The following DLG2 variants were observed in gnomAD, a reference collection of about 807,000 sequenced individuals.
DLG2 encodes the protein discs large MAGUK scaffold protein 2.
DLG2 carries 45 observed loss-of-function variants against 132.5 expected under a neutral mutation model. That is an observed-to-expected ratio of 0.34 (90% CI 0.27 to 0.44). The LOEUF (loss-of-function observed/expected upper bound fraction) is 0.44. Among genes scored for constraint, DLG2 ranks in the 20% least tolerant of loss-of-function variants. DLG2 has a pLI of 1.00. For synonymous variants in DLG2, 424 were observed against 419.6 expected (o/e 1.01, Z -0.13); for missense variants, 1,045 against 1,196.9 (o/e 0.87, Z 1.87).
chr11:83,806,379 C>T (rs892058376), intron 17 of DLG2, among the ~76,000 whole-genome samples: 1 of 152,140 alleles, frequency 6.6e-6, no homozygotes, highest in Admixed American at 6.5e-5. Flanking sequence ...CAAATTAACT[C>T]TATACACTTT....
At chr11:85,174,174 C>G (rs2079063413) in intron 4 of DLG2, among the ~76,000 whole-genome samples, 1 of 152,126 alleles carries the variant, frequency 6.6e-6, no homozygotes, top group Non-Finnish European at 1.5e-5. Flanking sequence ...ATATATTCTT[C>G]TCATAACCAC....
chr11:83,954,795 T>A (rs1047641295), intron 14 of DLG2, among the ~76,000 whole-genome samples: 2 of 152,212 alleles, frequency 1.3e-5, no homozygotes, highest in South Asian at 2.1e-4. Flanking sequence ...TTATACCATA[T>A]TTGCTTCCAC....
At chr11:83,563,886 A>G (rs987830) in intron 19 of DLG2, among the ~76,000 whole-genome samples, 3,567 of 152,312 alleles carry the variant, frequency 0.023, 92 homozygotes, top group African/African-American at 0.063. Flanking sequence ...TGTCTCTTTC[A>G]TATTAGTCTC....
chr11:85,480,629 A>G (rs967989142), intron 3 of DLG2, among the ~76,000 whole-genome samples: 2 of 152,210 alleles, frequency 1.3e-5, no homozygotes, highest in African/African-American at 4.8e-5. Context: ...TAAATTCCCA[A>G]ATGTTAACTA....
intron 6 of DLG2, among the ~76,000 whole-genome samples, chr11:84,982,341 C>T (rs1190540855): frequency 6.6e-6 from 1 of 152,118 alleles, no homozygotes; most frequent in Non-Finnish European, 1.5e-5. Flanking sequence ...CCTTTCCACC[C>T]AGAACCTGAC....
At chr11:83,639,422 G>A (rs2065784430) in intron 18 of DLG2, among the ~76,000 whole-genome samples, 1 of 152,112 alleles carries the variant, frequency 6.6e-6, no homozygotes. Context: ...TTGCTATTGT[G>A]AATAATAAAA....
chr11:83,682,874 G>A (rs759808904), intron 18 of DLG2, among the ~76,000 whole-genome samples: 1 of 152,134 alleles, frequency 6.6e-6, no homozygotes, highest in Non-Finnish European at 1.5e-5. Flanking sequence ...CCCCCTTACT[G>A]AGCAGATAAG....
At chr11:84,664,402 T>G (rs1449999360) in intron 6 of DLG2, among the ~76,000 whole-genome samples, 2 of 152,154 alleles carry the variant, frequency 1.3e-5, no homozygotes, top group Non-Finnish European at 2.9e-5. Context: ...GACAACTGAC[T>G]CTAAGTTAGT....
intron 11 of DLG2, among the ~76,000 whole-genome samples, chr11:84,024,664 ACT>A (rs2095490254): frequency 1.3e-5 from 2 of 152,094 alleles, no homozygotes; most frequent in African/African-American, 4.8e-5. Flanking sequence ...AAATATAAAC[ACT>A]CTATATTCTC....
intron 21 of DLG2, among the ~76,000 whole-genome samples, chr11:83,502,868 C>T (rs1591986845): frequency 6.6e-6 from 1 of 152,094 alleles, no homozygotes; most frequent in East Asian, 1.9e-4. Context: ...GCTGTCTCCC[C>T]AGTACTTCTG....
intron 6 of DLG2, among the ~76,000 whole-genome samples, chr11:84,610,162 GA>G (rs1220326769): frequency 1.3e-5 from 2 of 152,016 alleles, no homozygotes; most frequent in East Asian, 3.9e-4. Flanking sequence ...GATACTGAAG[GA>G]AAAAGCTTTT....
chr11:84,947,515 G>A (rs1591682484), intron 6 of DLG2, among the ~76,000 whole-genome samples: 1 of 152,074 alleles, frequency 6.6e-6, no homozygotes, highest in Non-Finnish European at 1.5e-5. Flanking sequence ...ATTCCTCCAT[G>A]CCAACAACCT....
At chr11:85,519,965 C>T (rs934182556) in intron 3 of DLG2, among the ~76,000 whole-genome samples, 3 of 152,148 alleles carry the variant, frequency 2.0e-5, no homozygotes, top group African/African-American at 7.2e-5. Context: ...GTCCAATAAA[C>T]CCCATTCTTT....
chr11:84,220,332 T>A (rs906860667), intron 8 of DLG2, among the ~76,000 whole-genome samples: 5 of 152,156 alleles, frequency 3.3e-5, no homozygotes, highest in Admixed American at 6.5e-5. Context: ...AGTAAGTGCT[T>A]AGTAAGTATC....
At chr11:83,906,255 TCTCACACACACACACA>T (rs2074860713) in intron 15 of DLG2, among the ~76,000 whole-genome samples, 7 of 96,946 alleles carry the variant, frequency 7.2e-5, no homozygotes, top group East Asian at 2.4e-4. Flanking sequence ...TCTCTCTCTC[TCTCACACACACACACA>T]CACACACACA....
At chr11:84,233,317 C>T (rs1567010856) in intron 8 of DLG2, among the ~76,000 whole-genome samples, 1 of 152,132 alleles carries the variant, frequency 6.6e-6, no homozygotes, top group Non-Finnish European at 1.5e-5. Flanking sequence ...GCAAAGAGTC[C>T]TTGGCAGAGC....
intron 6 of DLG2, among the ~76,000 whole-genome samples, chr11:84,750,225 A>C (rs972766896): frequency 7.2e-5 from 11 of 152,208 alleles, no homozygotes; most frequent in Admixed American, 5.9e-4. Flanking sequence ...ACATAGGTAA[A>C]TGTGTGCCAT....
At chr11:85,068,333 TTCA>T (rs1191056416) in intron 6 of DLG2, among the ~76,000 whole-genome samples, 1 of 152,094 alleles carries the variant, frequency 6.6e-6, no homozygotes, top group Non-Finnish European at 1.5e-5. Flanking sequence ...ATAAAGGGTA[TTCA>T]ATTAGGAAAA....
chr11:84,655,001 C>T lies in DLG2; in HGVS notation c.358-120270G>A, dbSNP rs1008716438. Among the ~76,000 whole-genome samples the T allele has an allele frequency of 6.6e-5, 10 of 152,138 alleles. No homozygotes were observed. In the South Asian group the frequency reaches 8.3e-4, roughly 13 times the overall value. On this transcript the variant is annotated intron_variant, in intron 6 of 27. Transcript: ENST00000376104. ...AACAGAAGCCTCCTTGAGACAAAAA[C>T]GTATCTAAATGTTTTATAGCATTTC...
Sources: gnomAD v4.1 joint callset for allele counts (sites outside exome capture counted in the v4.1 genomes callset) on GRCh38, gnomAD v4.1.1 for gene constraint, MANE v1.5 for transcripts, NCBI Gene and HGNC (gene_info 2026-07-23, HGNC 2026-07-21) for gene names.